FKBP5: variants seen among roughly 807,000 people sequenced by gnomAD.
FKBP5 encodes the protein peptidyl-prolyl cis-trans isomerase FKBP5.
In FKBP5, 23 loss-of-function variants were observed where a neutral mutation model predicts 50.5. The observed-to-expected ratio is 0.46, with a 90% confidence interval of 0.33 to 0.65. The LOEUF (loss-of-function observed/expected upper bound fraction) is 0.65, where lower values mean the gene tolerates loss of function less well. FKBP5 is among the 30% of genes least tolerant of loss of function. FKBP5 has a pLI of 0.02. For synonymous variants in FKBP5, 176 were observed against 190.6 expected, an observed-to-expected ratio of 0.92 and a Z score of 0.63; for missense variants, 411 against 553.1, an observed-to-expected ratio of 0.74 and a Z score of 2.58.
chr6:35,715,265 T>C (rs1310622348), intron 2 of FKBP5, among the ~76,000 whole-genome samples: 2 of 152,168 alleles, frequency 1.3e-5, no homozygotes, highest in Non-Finnish European at 2.9e-5. Flanking sequence ...AAACTGGCTG[T>C]GAGTAAATCC....
intron 3 of FKBP5, among the ~76,000 whole-genome samples, chr6:35,627,316 A>G (rs1764030588): frequency 6.6e-6 from 1 of 152,118 alleles, no homozygotes; most frequent in African/African-American, 2.4e-5. Context: ...CAGTTTTTAA[A>G]AAGTTTTTAG....
intron 2 of FKBP5, among the ~76,000 whole-genome samples, chr6:35,716,287 C>T (rs1766510922): frequency 6.6e-6 from 1 of 152,092 alleles, no homozygotes; most frequent in Non-Finnish European, 1.5e-5. Flanking sequence ...GTGGGAGAAT[C>T]ACTTGAGCCC....
intron 5 of FKBP5, among the ~76,000 whole-genome samples, chr6:35,617,270 T>C (rs898901027): frequency 6.6e-6 from 1 of 152,204 alleles, no homozygotes; most frequent in Non-Finnish European, 1.5e-5. Context: ...GTATATACTT[T>C]AAAAGAAAGA....
At chr6:35,636,219 C>CAAGCCCACAGTGGCAAAT (rs931440957) in intron 3 of FKBP5, among the ~76,000 whole-genome samples, 15 of 152,308 alleles carry the variant, frequency 9.8e-5, no homozygotes, top group Non-Finnish European at 1.8e-4. Context: ...CGGAAGCTGT[C>CAAGCCCACAGTGGCAAAT]AAGCCCACAG....
At chr6:35,591,336 C>A (rs1386317397) in intron 6 of FKBP5, 116 bp from the exon 7 acceptor site, 1 of 639,718 alleles carries the variant, frequency 1.6e-6, no homozygotes, top group Non-Finnish European at 2.7e-6. Flanking sequence ...GTGTCAGAGA[C>A]CCTGAAGACA....
At chr6:35,643,951 T>C (rs995588042) in intron 1 of FKBP5, among the ~76,000 whole-genome samples, 2 of 152,200 alleles carry the variant, frequency 1.3e-5, no homozygotes, top group Admixed American at 6.5e-5. Context: ...GAATTTGTAA[T>C]GGAATTTGGG....
chr6:35,590,281 C>T (rs1037956952), intron 7 of FKBP5, among the ~76,000 whole-genome samples: 1 of 151,192 alleles, frequency 6.6e-6, no homozygotes, highest in East Asian at 1.9e-4. Flanking sequence ...GCCTGGGTGA[C>T]AAGAGTGAGA....
intron 1 of FKBP5, among the ~76,000 whole-genome samples, chr6:35,686,369 C>T (rs1561895046): frequency 6.7e-6 from 1 of 148,392 alleles, no homozygotes; most frequent in Non-Finnish European, 1.5e-5. Context: ...AGTTAAAATA[C>T]TAAAATACAC....
intron 1 of FKBP5, among the ~76,000 whole-genome samples, chr6:35,666,442 T>C (rs1581865716): frequency 1.6e-5 from 2 of 125,342 alleles, no homozygotes; most frequent in East Asian, 2.7e-4. Flanking sequence ...ATTTCCTTCA[T>C]AGACTTCTAT....
Position 35,576,081 on chromosome 6 carries a change from GGC to G in FKBP5, c.1267-141_1267-140del, listed in dbSNP as rs1446683205. 4.4e-6 allele frequency: 3 copies of G among 684,652 alleles called. No individual in the cohort carries two copies. The African/African-American group carries it at 5.3e-5, about 12-fold the overall frequency. 42.4% of individuals were successfully genotyped at this position (684,652 alleles called of 1,614,324 possible). On this transcript the variant is annotated intron_variant, in intron 10 of 10. Transcript: ENST00000357266. Reference sequence around the variant, plus strand: ...TAGGATATCTAGCTGGGTAGGTCAGGGCTGTGCTACCAATAGTTAGAGTGGGA... The same window carrying G: ...TAGGATATCTAGCTGGGTAGGTCAGGTGTGCTACCAATAGTTAGAGTGGGA...
chr6:35,594,286 C>T lies in FKBP5; in HGVS notation c.665+2962G>A, dbSNP rs139175580. ...GGAGGATCCCTTGAGCCCAGGAGTT[C>T]GAGGCTACAGATTATGCCACCCTAC... On this transcript the variant is annotated intron_variant, in intron 6 of 10. Coordinates refer to ENST00000357266, the MANE Select transcript of FKBP5 (RefSeq NM_004117.4). Among the ~76,000 whole-genome samples, 834 of 151,194 alleles carry T rather than the reference C, an allele frequency of 5.5e-3. 5 individuals are homozygous for T. The highest frequency in any genetic ancestry group is 0.017 in the African/African-American group (705 of 41,162).
intron 1 of FKBP5, chr6:35,652,004 T>C (rs1764815180): frequency 4.4e-6 from 1 of 228,296 alleles, no homozygotes; most frequent in South Asian, 8.6e-5. Flanking sequence ...AGAACGTGGA[T>C]TATGAAGATT....
At chr6:35,616,640 C>A (rs979673942) in intron 5 of FKBP5, among the ~76,000 whole-genome samples, 1 of 152,070 alleles carries the variant, frequency 6.6e-6, no homozygotes, top group Non-Finnish European at 1.5e-5. Context: ...AAAGCAAGAT[C>A]TGATTTAATT....
chr6:35,602,427 G>A (rs958117819), intron 5 of FKBP5, among the ~76,000 whole-genome samples: 6 of 152,008 alleles, frequency 3.9e-5, no homozygotes, highest in African/African-American at 1.2e-4. Context: ...GAATGGGAAT[G>A]TTGTAATGGC....
intron 5 of FKBP5, among the ~76,000 whole-genome samples, chr6:35,608,475 G>A (rs1052289487): frequency 7.2e-5 from 11 of 152,206 alleles, no homozygotes; most frequent in Admixed American, 1.3e-4. Flanking sequence ...CAGGCTGATC[G>A]CTTATGCCCT....
chr6:35,709,585 C>T (rs1766380289), intron 2 of FKBP5, among the ~76,000 whole-genome samples: 1 of 152,054 alleles, frequency 6.6e-6, no homozygotes, highest in South Asian at 2.1e-4. Flanking sequence ...TATTTCTAAA[C>T]CATAACAATT....
At chr6:35,690,465 TA>T (rs780318439), upstream of FKBP5, among the ~76,000 whole-genome samples, 435 of 130,164 alleles carry the variant, frequency 3.3e-3, 1 homozygote, top group Middle Eastern at 0.012. Context: ...GACTCCATTC[TA>T]AAAAAAAAAA....
At chr6:35,683,128 G>GTATATATATACGTATATA (rs1765726027) in intron 1 of FKBP5, among the ~76,000 whole-genome samples, 1 of 44,452 alleles carries the variant, frequency 2.2e-5, no homozygotes, top group African/African-American at 1.1e-4. Context: ...ATATGTGTGT[G>GTATATATATACGTATATA]TGTGTGTGTG....
Position 35,638,130 on chromosome 6 carries a change from T to C in FKBP5, c.106-972A>G, listed in dbSNP as rs867510513. ...CTTGGCAGAGCAAGCTGCTAATGTA[T>C]TTGGTCAGTTCTGGGAAAAGAAAAT... On this transcript the variant is annotated intron_variant, in intron 2 of 10. Coordinates refer to ENST00000357266, the MANE Select transcript of FKBP5 (RefSeq NM_004117.4). 4.6e-5 allele frequency among the ~76,000 whole-genome samples: 7 copies of C among 152,276 alleles called. No individual in the cohort carries two copies. The South Asian group carries it at 1.5e-3, about 32-fold the overall frequency.
Sources: allele counts gnomAD v4.1 joint callset (sites outside exome capture counted in the v4.1 genomes callset), GRCh38; gene constraint gnomAD v4.1.1; transcripts MANE v1.5; gene names NCBI Gene and HGNC (gene_info 2026-07-23, HGNC 2026-07-21).